The following NOPCHAP1 variants were observed in gnomAD, a reference collection of about 807,000 sequenced individuals.
NOPCHAP1 encodes the protein NOP protein chaperone 1, also known as DNA damage-sensitive RNA 1.
Under a neutral mutation model 14.0 loss-of-function variants are expected in NOPCHAP1, and 13 were observed. That is an observed-to-expected ratio of 0.93 (90% CI 0.60 to 1.47). The LOEUF is 1.47. Ranked by LOEUF, NOPCHAP1 falls within the 40% of genes most tolerant of loss-of-function variation. NOPCHAP1 has a pLI of 0.00. For missense variants in NOPCHAP1, 230 were observed against 226.9 expected (o/e 1.01, Z -0.09); for synonymous variants, 78 against 78.4 (o/e 1.00, Z 0.03).
intron 2 of NOPCHAP1, among the ~76,000 whole-genome samples, chr12:104,991,072 C>T (rs1873364245): frequency 6.6e-6 from 1 of 152,156 alleles, no homozygotes; most frequent in African/African-American, 2.4e-5. Context: ...GTCATTCACT[C>T]AGAAAGATTT....
At chr12:104,989,811 T>C (rs755238489) in intron 2 of NOPCHAP1, among the ~76,000 whole-genome samples, 12 of 152,342 alleles carry the variant, frequency 7.9e-5, no homozygotes, top group Non-Finnish European at 1.8e-4. Flanking sequence ...TTATGTTTTG[T>C]GTGTTTCAAT....
At position 105,004,851 on chromosome 12, in the gene NOPCHAP1, C is replaced by G. The variant is rs1479810567; in HGVS notation, c.*10155C>G. 1 of 151,996 alleles carries G rather than the reference C, an allele frequency of 6.6e-6. No homozygotes were observed. Among genetic ancestry groups the G allele is most frequent in the Non-Finnish European group, 1.5e-5 (1 of 68,006 alleles). The allele number at this position is 151,996 out of a possible 1,614,324, so 9.4% of individuals were successfully genotyped here. ...CTAATAGCCTACTATTGACTAGAAG[C>G]CTTAGTGAAACATAAATAGTTAACA... On this transcript the variant is annotated 3_prime_UTR_variant, in exon 4 of 4. Transcript: ENST00000552951.
rs1873500563 is a variant in NOPCHAP1 at position 104,996,298 on chromosome 12, C to G, written c.*1602C>G. ...ATCTGCATAGCTCCTGAACAAGGTC[C>G]AGGAGGAAACTTACTTTTTTATAGT... On this transcript the variant is annotated 3_prime_UTR_variant, in exon 4 of 4. Coordinates refer to ENST00000552951, the MANE Select transcript of NOPCHAP1 (RefSeq NM_152318.3). The G allele has an allele frequency of 6.6e-6, 1 of 152,016 alleles. No homozygotes were observed. The highest frequency in any genetic ancestry group is 2.4e-5 in the African/African-American group (1 of 41,364). The allele number at this position is 152,016 out of a possible 1,614,324, so 9.4% of individuals were successfully genotyped here. A position where few individuals can be genotyped will look rare whatever the true frequency, so the allele number is the denominator to read the frequency against.
At chr12:104,986,688 G>A (rs1873245394) in intron 1 of NOPCHAP1, among the ~76,000 whole-genome samples, 2 of 152,160 alleles carry the variant, frequency 1.3e-5, no homozygotes, top group African/African-American at 4.8e-5. Flanking sequence ...CCCAGCTAGT[G>A]GTTCTTATAT....
At position 104,998,046 on chromosome 12, in the gene NOPCHAP1, C is replaced by A. The variant is rs185130523; in HGVS notation, c.*3350C>A. On this transcript the variant is annotated 3_prime_UTR_variant, in exon 4 of 4. Coordinates refer to ENST00000552951, the MANE Select transcript of NOPCHAP1 (RefSeq NM_152318.3). ...AGTGTGTTTTTCAGCTCTGTCAGATCGGTTTAGTTCTCTCTTATAATGGCC... is the reference window on the plus strand; with the variant it reads ...AGTGTGTTTTTCAGCTCTGTCAGATAGGTTTAGTTCTCTCTTATAATGGCC... The A allele has an allele frequency of 3.9e-5, 6 of 152,180 alleles. No homozygotes were observed. The highest frequency in any genetic ancestry group is 8.8e-5 in the Non-Finnish European group (6 of 68,036). 9.4% of individuals were successfully genotyped at this position (152,180 alleles called of 1,614,324 possible).
intron 1 of NOPCHAP1, 45 bp downstream of exon 1, chr12:104,986,512 AGGAGGCGCGGCCGGTGCAGTTTG>A: frequency 6.7e-7 from 1 of 1,498,292 alleles, no homozygotes; most frequent in Admixed American, 2.0e-5. Flanking sequence ...CGTGCGGCAG[AGGAGGCGCGGCCGGTGCAGTTTG>A]GGAGCCGGCC....
chr12:104,994,133 T>C (rs970317274), intron 3 of NOPCHAP1, among the ~76,000 whole-genome samples: 9 of 152,228 alleles, frequency 5.9e-5, no homozygotes, highest in African/African-American at 2.2e-4. Flanking sequence ...TCATTTGAGG[T>C]CAGGAGTTCA....
Position 104,986,424 on chromosome 12 carries a change from A to T in NOPCHAP1, c.72A>T (p.Pro24=), listed in dbSNP as rs1291302111. ...SSPTRDSSGV[P]VSKELLTAGS... Reference sequence around the variant, plus strand: ...CCACCCGGGATTCCTCAGGAGTCCCAGTGTCCAAGGAGCTGCTGACGGCGG... The same window carrying T: ...CCACCCGGGATTCCTCAGGAGTCCCTGTGTCCAAGGAGCTGCTGACGGCGG... The change falls in exon 1 of 4, where the codon CCA becomes CCT. Residue 24 remains proline (P), a synonymous_variant. Transcript: ENST00000552951. The T allele has an allele frequency of 1.2e-6, 2 of 1,611,404 alleles. No individual in the cohort carries two copies. Among genetic ancestry groups the T allele is most frequent in the Admixed American group, 1.7e-5 (1 of 59,764 alleles).
chr12:104,996,754 G>A lies in NOPCHAP1; in HGVS notation c.*2058G>A, dbSNP rs1873509399. ...TAGCTCTCTTTGTAGGTCTCTGAAT[G>A]CTTGCTTTATGAATCTGGGTGCTTC... On this transcript the variant is annotated 3_prime_UTR_variant, in exon 4 of 4. Transcript: ENST00000552951. 1 of 152,208 alleles carries A rather than the reference G, an allele frequency of 6.6e-6. No homozygotes were observed. The highest frequency in any genetic ancestry group is 6.5e-5 in the Admixed American group (1 of 15,288). The allele number at this position is 152,208 out of a possible 1,614,324, so 9.4% of individuals were successfully genotyped here.
rs987438641 is a variant in NOPCHAP1 at position 105,000,118 on chromosome 12, C to T, written c.*5422C>T. 7 of 152,196 alleles carry T rather than the reference C, an allele frequency of 4.6e-5. No homozygotes were observed. Among genetic ancestry groups the T allele is most frequent in the South Asian group, 2.1e-4 (1 of 4,822 alleles). The allele number at this position is 152,196 out of a possible 1,614,324, so 9.4% of individuals were successfully genotyped here. ...CCAATGACATTATACAAATAATCAC[C>T]GGTGCCCACATAGATAGTCCCCAAG... On this transcript the variant is annotated 3_prime_UTR_variant, in exon 4 of 4. Coordinates refer to ENST00000552951, the MANE Select transcript of NOPCHAP1 (RefSeq NM_152318.3).
Position 105,001,842 on chromosome 12 carries a change from A to G in NOPCHAP1, c.*7146A>G, listed in dbSNP as rs1225930014. 1 of 152,196 alleles carries G rather than the reference A, an allele frequency of 6.6e-6. No individual in the cohort carries two copies. Among genetic ancestry groups the G allele is most frequent in the Non-Finnish European group, 1.5e-5 (1 of 68,026 alleles). 9.4% of individuals were successfully genotyped at this position (152,196 alleles called of 1,614,324 possible). On this transcript the variant is annotated 3_prime_UTR_variant, in exon 4 of 4. Coordinates refer to ENST00000552951, the MANE Select transcript of NOPCHAP1 (RefSeq NM_152318.3). The stretch of plus-strand genomic sequence containing the variant: ...TGGCTCTAGTATCCACCAGAATTGT[A>G]TAAGATTTTTCATTTGTTTTAACTT...
intron 3 of NOPCHAP1, among the ~76,000 whole-genome samples, chr12:104,992,432 G>A (rs1487181968): frequency 6.6e-6 from 1 of 152,222 alleles, no homozygotes; most frequent in African/African-American, 2.4e-5. Flanking sequence ...CTCCTTTGGA[G>A]TATTGCAGCA....
rs950498766 is a variant in NOPCHAP1, at chr12:105,011,447, C to G, written c.*16751C>G. ...TCTTTATCCAGTTTGACTGATGGAT[C>G]TTGACTCTTTATCCTGTGTCTTTTA... On this transcript the variant is annotated 3_prime_UTR_variant, in exon 4 of 4. Transcript: ENST00000552951. 1 of 152,046 alleles carries G rather than the reference C, an allele frequency of 6.6e-6. No homozygotes were observed. Among genetic ancestry groups the G allele is most frequent in the African/African-American group, 2.4e-5 (1 of 41,426 alleles). 9.4% of individuals were successfully genotyped at this position (152,046 alleles called of 1,614,324 possible).
rs1873721170 is a variant in NOPCHAP1, at chr12:105,006,954, A to G, written c.*12258A>G. On this transcript the variant is annotated 3_prime_UTR_variant, in exon 4 of 4. Coordinates refer to ENST00000552951, the MANE Select transcript of NOPCHAP1 (RefSeq NM_152318.3). ...GAGAAGATATCCTTTCTTCTCCATG[A>G]TTTTTTTATTGGCACCTGGGAACTT... is the stretch of plus-strand genomic sequence containing the variant. 1 of 147,984 alleles carries G rather than the reference A, an allele frequency of 6.8e-6. No homozygotes were observed. Among genetic ancestry groups the G allele is most frequent in the Non-Finnish European group, 1.5e-5 (1 of 67,142 alleles). The allele number at this position is 147,984 out of a possible 1,614,324, so 9.2% of individuals were successfully genotyped here.
chr12:104,992,697 G>C (rs1242782496), intron 3 of NOPCHAP1, among the ~76,000 whole-genome samples: 1 of 152,174 alleles, frequency 6.6e-6, no homozygotes, highest in East Asian at 1.9e-4. Context: ...TACCACCTGA[G>C]TTCTGCCTCC....
rs148206422 is a variant in NOPCHAP1 at position 104,990,812 on chromosome 12, A to G, written c.203-900A>G. Among the ~76,000 whole-genome samples the G allele has an allele frequency of 6.4e-3, 973 of 152,330 alleles. 8 individuals carry two copies. The highest frequency in any genetic ancestry group is 0.022 in the African/African-American group (921 of 41,566). On this transcript the variant is annotated intron_variant, in intron 2 of 3. Coordinates refer to ENST00000552951, the MANE Select transcript of NOPCHAP1 (RefSeq NM_152318.3). ...TTAGGATTCTTGGTTGCAAATGACT[A>G]AAATCCAGCTCAGATTGCCTTAAGC...
At chr12:104,994,359 A>C (rs1873447433) in intron 3 of NOPCHAP1, 119 bp from the exon 4 acceptor site, 1 of 1,028,366 alleles carries the variant, frequency 9.7e-7, no homozygotes, top group Admixed American at 1.8e-5. Flanking sequence ...AAAAAAACCA[A>C]ATTCTTATCC....
Position 105,006,043 on chromosome 12 carries a change from C to T in NOPCHAP1, c.*11347C>T, listed in dbSNP as rs1045220303. On this transcript the variant is annotated 3_prime_UTR_variant, in exon 4 of 4. Coordinates refer to ENST00000552951, the MANE Select transcript of NOPCHAP1 (RefSeq NM_152318.3). ...GATGTCTGTTAGCTTTTGAATTTCT[C>T]CAAGATCCCTGTCTTGAAACCCTTC... 3 of 152,024 alleles carry T rather than the reference C, an allele frequency of 2.0e-5. No individual in the cohort carries two copies. The highest frequency in any genetic ancestry group is 7.3e-5 in the African/African-American group (3 of 41,256). 9.4% of individuals were successfully genotyped at this position (152,024 alleles called of 1,614,324 possible).
rs1231704946 is a variant in NOPCHAP1 at position 105,000,030 on chromosome 12, G to C, written c.*5334G>C. ...TAGCTGATCATCTTGCCTCCAACCT[G>C]TTCCCTTTATAGCATAATGTGTATA... On this transcript the variant is annotated 3_prime_UTR_variant, in exon 4 of 4. Coordinates refer to ENST00000552951, the MANE Select transcript of NOPCHAP1 (RefSeq NM_152318.3). The C allele has an allele frequency of 3.3e-5, 5 of 152,134 alleles. No homozygotes were observed. The highest frequency in any genetic ancestry group is 7.2e-5 in the African/African-American group (3 of 41,408). 9.4% of individuals were successfully genotyped at this position (152,134 alleles called of 1,614,324 possible).
Sources: gnomAD v4.1 joint callset for allele counts (sites outside exome capture counted in the v4.1 genomes callset) on GRCh38, gnomAD v4.1.1 for gene constraint, MANE v1.5 for transcripts, NCBI Gene and HGNC (gene_info 2026-07-23, HGNC 2026-07-21) for gene names.